The following NAV3 variants were observed in gnomAD, a reference collection of about 807,000 sequenced individuals.
The protein encoded by NAV3 is neuron navigator 3.
NAV3 carries 87 observed loss-of-function variants against 244.7 expected under a neutral mutation model. The observed-to-expected ratio is 0.36, with a 90% CI of 0.30 to 0.42. The LOEUF is 0.42. NAV3 is among the 20% of genes least tolerant of loss of function. The pLI, the probability that NAV3 is intolerant of heterozygous loss-of-function variation, is 1.00. For synonymous variants in NAV3, 1,126 were observed against 1,042.2 expected (o/e 1.08, Z -1.55); for missense variants, 2,663 against 2,893.3 (o/e 0.92, Z 1.83).
intron 6 of NAV3, among the ~76,000 whole-genome samples, chr12:77,995,177 C>T (rs1164238647): frequency 6.6e-6 from 1 of 152,098 alleles, no homozygotes; most frequent in Admixed American, 6.5e-5. Context: ...CCTTCCAAGT[C>T]ACATAATCTG....
intron 34 of NAV3, 84 bp from the exon 35 acceptor site, chr12:78,197,163 A>C: frequency 9.7e-7 from 1 of 1,027,722 alleles, no homozygotes. Flanking sequence ...ATAGAGGACA[A>C]AGAGTGCTAT....
At chr12:77,618,070 G>A (rs974448530) in intron 2 of NAV3, among the ~76,000 whole-genome samples, 72 of 152,230 alleles carry the variant, frequency 4.7e-4, no homozygotes, top group African/African-American at 1.7e-3. Flanking sequence ...TGCCTGATTA[G>A]TAGTATAGAA....
At chr12:78,050,131 C>T in intron 10 of NAV3, 30 bp downstream of exon 10, 1 of 1,450,958 alleles carries the variant, frequency 6.9e-7, no homozygotes, top group African/African-American at 1.4e-5. Context: ...ATATTTGAGC[C>T]AATAAAGAAA....
intron 2 of NAV3, among the ~76,000 whole-genome samples, chr12:77,591,711 CATATAA>C (rs1184881106): frequency 1.3e-5 from 2 of 152,080 alleles, no homozygotes; most frequent in African/African-American, 2.4e-5. Context: ...GAGGCAATCC[CATATAA>C]ATATAAAGAT....
intron 2 of NAV3, among the ~76,000 whole-genome samples, chr12:77,758,191 C>A (rs757799936): frequency 2.6e-5 from 4 of 152,128 alleles, no homozygotes; most frequent in Non-Finnish European, 4.4e-5. Flanking sequence ...AGATATAAAT[C>A]TTTTCATCAC....
At chr12:78,161,595 TAA>T (rs1957548109) in intron 23 of NAV3, among the ~76,000 whole-genome samples, 1 of 152,088 alleles carries the variant, frequency 6.6e-6, no homozygotes, top group Non-Finnish European at 1.5e-5. Flanking sequence ...TTCTATAACA[TAA>T]GAGATTTTAT....
At chr12:78,050,615 A>T in intron 10 of NAV3, 149 bp from the exon 11 acceptor site, 1 of 815,102 alleles carries the variant, frequency 1.2e-6, no homozygotes, top group Non-Finnish European at 1.9e-6. Flanking sequence ...CCACAATTTG[A>T]CCTCAAAATG....
At chr12:77,807,780 G>A (rs1004807358) in intron 2 of NAV3, among the ~76,000 whole-genome samples, 1 of 152,064 alleles carries the variant, frequency 6.6e-6, no homozygotes, top group Non-Finnish European at 1.5e-5. Context: ...TTCCAAATTG[G>A]TTCCATTTTC....
rs568073377 is a variant in NAV3 at position 78,005,660 on chromosome 12, T to C, written c.881-759T>C. On this transcript the variant is annotated intron_variant, in intron 7 of 39. Transcript: ENST00000397909. ...CAAGAAAATTATAGAGCTTGGGCTGTAGAGTGACAAGATGTGGGGTCAAAG... is the reference window on the plus strand; with the variant it reads ...CAAGAAAATTATAGAGCTTGGGCTGCAGAGTGACAAGATGTGGGGTCAAAG... Among the ~76,000 whole-genome samples the C allele has an allele frequency of 6.6e-5, 10 of 152,316 alleles. No individual in the cohort carries two copies. In the East Asian group the frequency reaches 1.9e-3, roughly 29 times the overall value.
intron 9 of NAV3, among the ~76,000 whole-genome samples, chr12:78,042,298 T>C (rs1455840169): frequency 2.0e-5 from 3 of 152,212 alleles, no homozygotes; most frequent in African/African-American, 7.2e-5. Flanking sequence ...AGGCCAGCGT[T>C]AGTCATACTT....
chr12:77,658,638 C>T (rs1360046330), intron 2 of NAV3, among the ~76,000 whole-genome samples: 3 of 152,086 alleles, frequency 2.0e-5, no homozygotes, highest in Non-Finnish European at 4.4e-5. Context: ...CAAAAAGGAG[C>T]CCGCATTGCC....
chr12:77,938,782 G>A (rs1263949992), intron 1 of NAV3, among the ~76,000 whole-genome samples: 1 of 152,018 alleles, frequency 6.6e-6, no homozygotes, highest in Non-Finnish European at 1.5e-5. Context: ...CTATCAACTG[G>A]GGGATTGATA....
intron 20 of NAV3, chr12:78,143,354 A>G: frequency 2.3e-6 from 1 of 429,848 alleles, no homozygotes; most frequent in Non-Finnish European, 4.6e-6. Flanking sequence ...TCTAAGGCCA[A>G]GCGCGGTGGC....
At chr12:77,733,834 A>ATTTTTTT (rs56770236) in intron 2 of NAV3, among the ~76,000 whole-genome samples, 2 of 124,216 alleles carry the variant, frequency 1.6e-5, no homozygotes, top group African/African-American at 6.2e-5. Flanking sequence ...CTTGGTTTAG[A>ATTTTTTT]TTTTTTTTTT....
chr12:77,723,860 C>A (rs931163938), intron 2 of NAV3, among the ~76,000 whole-genome samples: 3 of 147,076 alleles, frequency 2.0e-5, no homozygotes, highest in Non-Finnish European at 4.5e-5. Flanking sequence ...TAAGTCCTTG[C>A]AGGATAGTGA....
chr12:77,644,706 G>T (rs1345573959), intron 2 of NAV3, among the ~76,000 whole-genome samples: 1 of 151,972 alleles, frequency 6.6e-6, no homozygotes, highest in Non-Finnish European at 1.5e-5. Context: ...GGGCATGTTT[G>T]TTTATTAGAG....
At chr12:78,008,059 T>C (rs1237234639) in intron 8 of NAV3, among the ~76,000 whole-genome samples, 1 of 152,192 alleles carries the variant, frequency 6.6e-6, no homozygotes, top group African/African-American at 2.4e-5. Context: ...ATGTTTACTG[T>C]ATATCCTGAT....
At position 78,007,032 on chromosome 12, in the gene NAV3, G is replaced by C. The variant is rs1874352790; in HGVS notation, c.1494G>C (p.Lys498Asn). 6.2e-7 allele frequency: 1 copy of C among 1,614,012 alleles called. No individual in the cohort carries two copies. Among genetic ancestry groups the C allele is most frequent in the Admixed American group, 1.7e-5 (1 of 59,964 alleles). Residue 498 changes from lysine to asparagine, a missense_variant, in exon 8 of 40, where the codon AAG becomes AAC. By Grantham distance (94) the Lys-to-Asn change is moderately conservative. This residue lies in a region of NAV3 where 1,521 missense variants were observed against 1,497.0 expected (regional missense o/e 1.02). Transcript: ENST00000397909. ...AGGTGACAGAGATGGCTCCAAAAAA[G>C]ACCTCCAAAATTGCAAGCTTGATCC... ...KDQVTEMAPK[K>N]TSKIASLIPK...
At chr12:78,181,516 CAAAGAT>C (rs1007968597) in intron 30 of NAV3, among the ~76,000 whole-genome samples, 1 of 151,944 alleles carries the variant, frequency 6.6e-6, no homozygotes, top group African/African-American at 2.4e-5. Flanking sequence ...AAATTTCCAA[CAAAGAT>C]AAAGAACACA....
Sources: allele counts gnomAD v4.1 joint callset (sites outside exome capture counted in the v4.1 genomes callset), GRCh38; gene constraint gnomAD v4.1.1; regional missense constraint gnomAD v4.1.1; transcripts MANE v1.5; gene names NCBI Gene and HGNC (gene_info 2026-07-23, HGNC 2026-07-21).